Variants in DCAF7 observed in about 807,000 individuals in gnomAD.
The protein encoded by DCAF7 is DDB1 and CUL4 associated factor 7.
Under a neutral mutation model 41.2 loss-of-function variants are expected in DCAF7, and 4 were observed. The observed-to-expected ratio is 0.10, with a 90% CI of 0.05 to 0.22. The LOEUF (loss-of-function observed/expected upper bound fraction) is 0.22, where lower values mean the gene tolerates loss of function less well. Ranked by LOEUF, DCAF7 falls within the 10% of genes least tolerant of loss-of-function variation. The probability of loss-of-function intolerance (pLI) is 1.00; values close to 1 mark genes in which losing one functional copy is unlikely to be tolerated. For missense variants in DCAF7, 131 were observed against 443.2 expected (o/e 0.30, Z 6.32); for synonymous variants, 143 against 164.2 (o/e 0.87, Z 0.99).
At chr17:63,561,221 C>A (rs564129345) in intron 1 of DCAF7, among the ~76,000 whole-genome samples, 1 of 152,038 alleles carries the variant, frequency 6.6e-6, no homozygotes, top group African/African-American at 2.4e-5. Context: ...GCTGAGATCA[C>A]GCCACTGCAC....
chr17:63,578,815 A>G (rs1171966658), intron 2 of DCAF7, among the ~76,000 whole-genome samples, 187 bp downstream of exon 2: 5 of 152,166 alleles, frequency 3.3e-5, no homozygotes, highest in African/African-American at 1.2e-4. Context: ...TCAAGTCAAG[A>G]TTCCATGAAG....
chr17:63,567,218 T>C (rs1357635061), intron 1 of DCAF7, among the ~76,000 whole-genome samples: 1 of 152,190 alleles, frequency 6.6e-6, no homozygotes, highest in Admixed American at 6.5e-5. Context: ...AGTAAGCAGA[T>C]GGGAGGCTTT....
chr17:63,564,643 G>T (rs548608379), intron 1 of DCAF7, among the ~76,000 whole-genome samples: 1 of 152,212 alleles, frequency 6.6e-6, no homozygotes, highest in Non-Finnish European at 1.5e-5. Flanking sequence ...GCGGAGGATG[G>T]TCAGGCCCAT....
At chr17:63,560,445 A>G (rs991831317) in intron 1 of DCAF7, among the ~76,000 whole-genome samples, 6 of 152,234 alleles carry the variant, frequency 3.9e-5, no homozygotes, top group African/African-American at 1.4e-4. Context: ...TGCAGCTGTT[A>G]AAAGAATGAG....
At chr17:63,575,412 TA>T (rs1436228987) in intron 1 of DCAF7, among the ~76,000 whole-genome samples, 1 of 152,052 alleles carries the variant, frequency 6.6e-6, no homozygotes, top group Non-Finnish European at 1.5e-5. Flanking sequence ...TGAAAGAAAT[TA>T]AGGCAGCCGG....
At chr17:63,577,616 G>A (rs988461900) in intron 1 of DCAF7, among the ~76,000 whole-genome samples, 7 of 152,128 alleles carry the variant, frequency 4.6e-5, no homozygotes, top group African/African-American at 1.4e-4. Flanking sequence ...GCTCTCAAAC[G>A]GTCATTTGAC....
intron 1 of DCAF7, among the ~76,000 whole-genome samples, chr17:63,563,867 AG>A (rs1454100198): frequency 6.6e-6 from 1 of 152,098 alleles, no homozygotes; most frequent in African/African-American, 2.4e-5. Flanking sequence ...AGTAGCGGCA[AG>A]TAAGAGAAAA....
At chr17:63,578,289 A>G in intron 1 of DCAF7, among the ~76,000 whole-genome samples, 181 bp from the exon 2 acceptor site, 1 of 152,144 alleles carries the variant, frequency 6.6e-6, no homozygotes, top group East Asian at 1.9e-4. Context: ...ACTTGAGACC[A>G]GGAGGTGGAG....
chr17:63,550,750 A>G lies in DCAF7; in HGVS notation c.73A>G (p.Ser25Gly), dbSNP rs199661608. The change falls in exon 1 of 7, where the codon AGT (serine) becomes GGT (glycine). Residue 25 changes from serine (S) to glycine (G), a missense_variant. Coordinates refer to ENST00000614556, the MANE Select transcript of DCAF7 (RefSeq NM_005828.5). The surrounding 1 kb of genome is among the most constrained non-coding windows in gnomAD (Gnocchi z 4.8). ...APWTVYAMNWSVRPDKRFRLA... is the reference protein window; with the variant it reads ...APWTVYAMNWGVRPDKRFRLA... ...CTGGACAGTCTACGCGATGAACTGG[A>G]GTGTGCGGCCCGATAAGCGCTTTCG... The G allele has an allele frequency of 1.2e-6, 2 of 1,613,794 alleles. No homozygotes were observed. Among genetic ancestry groups the G allele is most frequent in the African/African-American group, 2.7e-5 (2 of 74,940 alleles).
intron 1 of DCAF7, among the ~76,000 whole-genome samples, chr17:63,578,013 T>C (rs777730548): frequency 6.6e-6 from 1 of 152,192 alleles, no homozygotes; most frequent in Non-Finnish European, 1.5e-5. Context: ...TTGGACTAGA[T>C]ACCCTCTCAT....
chr17:63,577,006 A>G (rs2033569869), intron 1 of DCAF7, among the ~76,000 whole-genome samples: 1 of 152,258 alleles, frequency 6.6e-6, no homozygotes, highest in African/African-American at 2.4e-5. Context: ...AAGAACATGG[A>G]TGAATCTCAA....
At chr17:63,555,721 T>G (rs1196387443) in intron 1 of DCAF7, among the ~76,000 whole-genome samples, 1 of 152,204 alleles carries the variant, frequency 6.6e-6, no homozygotes, top group Non-Finnish European at 1.5e-5. Context: ...GGTTTTAACT[T>G]CCTCCTTTTT....
chr17:63,585,896 T>A (rs1031411503), intron 6 of DCAF7, among the ~76,000 whole-genome samples: 1 of 150,884 alleles, frequency 6.6e-6, no homozygotes, highest in Non-Finnish European at 1.5e-5. Flanking sequence ...CTGAGGCGGG[T>A]GGATCACCTG....
At position 63,593,032 on chromosome 17, in the gene DCAF7, A is replaced by T. The variant is rs2033750532; in HGVS notation, c.*3860A>T. 6.6e-6 allele frequency: 1 copy of T among 152,344 alleles called. No homozygotes were observed. Among genetic ancestry groups the T allele is most frequent in the African/African-American group, 2.4e-5 (1 of 41,430 alleles). The allele number at this position is 152,344 out of a possible 1,614,324, so 9.4% of individuals were successfully genotyped here. ...TTTACCACACGTGGGAGGGCAGCCC[A>T]GTACTGTCCCTCTGCCTTCCCCACT... is the stretch of plus-strand genomic sequence containing the variant. On this transcript the variant is annotated 3_prime_UTR_variant, in exon 7 of 7. Transcript: ENST00000614556.
At chr17:63,581,878 C>T (rs758483710) in intron 4 of DCAF7, among the ~76,000 whole-genome samples, 5 of 152,200 alleles carry the variant, frequency 3.3e-5, no homozygotes, top group African/African-American at 4.8e-5. Flanking sequence ...CCTGGCAGAT[C>T]AGTGTAGAAG....
chr17:63,563,468 A>G lies in DCAF7; in HGVS notation c.138+12653A>G, dbSNP rs543551715. ...TTAAAATGCACATACTTTCTAATAC[A>G]GAAATCCCACTGTTAGGACATTGGC... On this transcript the variant is annotated intron_variant, in intron 1 of 6. Transcript: ENST00000614556. Among the ~76,000 whole-genome samples the G allele has an allele frequency of 2.0e-5, 3 of 152,358 alleles. No homozygotes were observed. In the South Asian group the frequency reaches 6.2e-4, roughly 32 times the overall value.
chr17:63,588,923 C>T, intron 6 of DCAF7, 77 bp from the exon 7 acceptor site: 1 of 1,465,962 alleles, frequency 6.8e-7, no homozygotes, highest in Non-Finnish European at 9.1e-7. Flanking sequence ...TAAACTGTGA[C>T]TTGCTCCTGA....
At chr17:63,585,421 A>G in intron 6 of DCAF7, 93 bp downstream of exon 6, 1 of 1,167,524 alleles carries the variant, frequency 8.6e-7, no homozygotes, top group Non-Finnish European at 1.3e-6. Flanking sequence ...TTTTCTAAGC[A>G]CAGTCTTGAG....
intron 1 of DCAF7, among the ~76,000 whole-genome samples, chr17:63,565,131 A>G (rs1043830897): frequency 6.6e-6 from 1 of 152,098 alleles, no homozygotes; most frequent in African/African-American, 2.4e-5. Context: ...GTGAGACCCC[A>G]TCTCTTAGAA....
Sources: gnomAD v4.1 joint callset for allele counts (sites outside exome capture counted in the v4.1 genomes callset) on GRCh38, gnomAD v4.1.1 for gene constraint, Gnocchi (gnomAD v3.1) non-coding constraint, MANE v1.5 for transcripts, NCBI Gene and HGNC (gene_info 2026-07-23, HGNC 2026-07-21) for gene names.